The following NRAP variants were observed in gnomAD, a reference collection of about 807,000 sequenced individuals.
NRAP encodes nebulin related anchoring protein.
Under a neutral mutation model 225.9 loss-of-function variants are expected in NRAP, and 189 were observed. That is an observed-to-expected ratio of 0.84 (90% CI 0.74 to 0.94). The LOEUF (loss-of-function observed/expected upper bound fraction) is 0.94, where lower values mean the gene tolerates loss of function less well. NRAP is among the 40% of genes least tolerant of loss of function. NRAP has a pLI of 0.00. For missense variants in NRAP, 2,176 were observed against 2,168.7 expected, an observed-to-expected ratio of 1.00 and a Z score of -0.07; for synonymous variants, 769 against 790.7, an observed-to-expected ratio of 0.97 and a Z score of 0.46.
At chr10:113,597,839 C>T (rs1243747729) in intron 36 of NRAP, 130 bp downstream of exon 36, 4 of 709,172 alleles carry the variant, frequency 5.6e-6, no homozygotes, top group Admixed American at 4.1e-5. Context: ...TTGCACATGG[C>T]CCTCCAAAAA....
intron 14 of NRAP, among the ~76,000 whole-genome samples, chr10:113,637,726 C>T (rs1264051796): frequency 1.3e-5 from 2 of 152,080 alleles, no homozygotes; most frequent in East Asian, 3.9e-4. Context: ...GAGTTTGAGA[C>T]CAGCCTGACC....
At chr10:113,660,145 C>T (rs1325666275) in intron 3 of NRAP, among the ~76,000 whole-genome samples, 1 of 151,712 alleles carries the variant, frequency 6.6e-6, no homozygotes, top group Non-Finnish European at 1.5e-5. Flanking sequence ...TATATACACT[C>T]ACTATATACA....
chr10:113,616,968 G>C (rs1289628053), intron 26 of NRAP, among the ~76,000 whole-genome samples: 4 of 152,150 alleles, frequency 2.6e-5, no homozygotes, highest in Non-Finnish European at 5.9e-5. Context: ...CATCATAAAG[G>C]AGTATGGGAA....
chr10:113,657,661 T>C, intron 3 of NRAP, 87 bp from the exon 4 acceptor site: 1 of 794,214 alleles, frequency 1.3e-6, no homozygotes, highest in South Asian at 1.5e-5. Flanking sequence ...AATTGGGGGA[T>C]TTTGCTAAGT....
At chr10:113,621,000 C>A (rs184746214) in intron 24 of NRAP, among the ~76,000 whole-genome samples, 13 of 152,106 alleles carry the variant, frequency 8.5e-5, no homozygotes, top group Admixed American at 6.6e-5. Flanking sequence ...CGAGTCTACT[C>A]GGAAAGAAGC....
intron 11 of NRAP, among the ~76,000 whole-genome samples, chr10:113,645,174 T>C (rs1849427490): frequency 6.6e-6 from 1 of 152,184 alleles, no homozygotes; most frequent in Admixed American, 6.5e-5. Context: ...TGAAACATCT[T>C]TCAGATGTTT....
chr10:113,614,019 G>A (rs1467969825), intron 29 of NRAP, among the ~76,000 whole-genome samples, 164 bp downstream of exon 29: 2 of 152,164 alleles, frequency 1.3e-5, no homozygotes, highest in Non-Finnish European at 2.9e-5. Flanking sequence ...TTACAGAGGA[G>A]GAAGGTGTAG....
chr10:113,619,906 C>T (rs1387299842), intron 25 of NRAP, among the ~76,000 whole-genome samples: 3 of 152,168 alleles, frequency 2.0e-5, no homozygotes, highest in African/African-American at 7.2e-5. Context: ...TGTCTCGATC[C>T]ATTTTTGGTT....
chr10:113,633,626 C>T (rs1053412032), intron 15 of NRAP, among the ~76,000 whole-genome samples: 7 of 152,110 alleles, frequency 4.6e-5, no homozygotes, highest in Non-Finnish European at 1.0e-4. Flanking sequence ...ACGGCATCAT[C>T]CGAGAAGCAG....
rs147201284 is a variant in NRAP, at chr10:113,663,999, G to A, written c.-117C>T. ...ACCATAAAATTCCTGTGGGCACCTCGATCTTTCAGAATCCAACTTCCACTT... is the reference window on the plus strand; with the variant it reads ...ACCATAAAATTCCTGTGGGCACCTCAATCTTTCAGAATCCAACTTCCACTT... On this transcript the variant is annotated 5_prime_UTR_variant, in exon 1 of 42. Transcript: ENST00000359988. The A allele has an allele frequency of 1.4e-3, 1,044 of 731,418 alleles. 9 individuals carry two copies. In the African/African-American group the frequency reaches 0.016, roughly 11 times the overall value. The allele number at this position is 731,418 out of a possible 1,614,324, so 45.3% of individuals were successfully genotyped here.
chr10:113,613,242 C>A (rs1344378428), intron 29 of NRAP, among the ~76,000 whole-genome samples: 1 of 151,380 alleles, frequency 6.6e-6, no homozygotes, highest in African/African-American at 2.4e-5. Flanking sequence ...GTCAGCAACT[C>A]AAGATGGAAA....
chr10:113,629,281 G>T (rs1848448397), intron 19 of NRAP, among the ~76,000 whole-genome samples: 1 of 146,254 alleles, frequency 6.8e-6, no homozygotes, highest in South Asian at 2.1e-4. Flanking sequence ...TTGACCAAGG[G>T]CCTTTTTTTT....
intron 10 of NRAP, 44 bp from the exon 11 acceptor site, chr10:113,645,985 T>C (rs766660110): frequency 8.8e-6 from 9 of 1,020,696 alleles, no homozygotes; most frequent in Admixed American, 6.8e-5. Flanking sequence ...GATGTTTCCA[T>C]GCTCTGGGAG....
Position 113,629,778 on chromosome 10 carries a change from T to C in NRAP, c.1850A>G (p.Tyr617Cys), listed in dbSNP as rs771134723. 1.2e-6 allele frequency: 2 copies of C among 1,611,316 alleles called. No individual in the cohort carries two copies. Among genetic ancestry groups the C allele is most frequent in the South Asian group, 1.1e-5 (1 of 91,036 alleles). Residue 617 changes from tyrosine (Y) to cysteine (C), a missense_variant, in exon 19 of 42, where the codon TAT (tyrosine) becomes TGT (cysteine). By Grantham distance (194) the Tyr-to-Cys change is radical (BLOSUM62 -2). Around this residue, in one of 3 missense-constraint regions of NRAP, gnomAD observed 1,708 missense variants for 1,695.5 expected, o/e 1.01. Coordinates refer to ENST00000359988, the MANE Select transcript of NRAP (RefSeq NM_198060.4). ...QIAKMSSEVEYKKGFEESKTR... is the reference protein window; with the variant it reads ...QIAKMSSEVECKKGFEESKTR... ...CTTACTCTCTTCAAAGCCTTTCTTA[T>C]ATTCAACCTTGAATATACCAAAACA...
intron 31 of NRAP, among the ~76,000 whole-genome samples, chr10:113,609,096 G>T (rs1344315388): frequency 2.6e-5 from 4 of 152,174 alleles, no homozygotes; most frequent in African/African-American, 9.7e-5. Flanking sequence ...GGAGGCGGAG[G>T]TTGCAGTGGG....
chr10:113,636,207 A>T (rs1397527322), intron 14 of NRAP, among the ~76,000 whole-genome samples: 4 of 152,010 alleles, frequency 2.6e-5, no homozygotes, highest in African/African-American at 4.8e-5. Flanking sequence ...TTTCTGTGTC[A>T]CCACTATCTA....
At position 113,641,397 on chromosome 10, in the gene NRAP, G is replaced by A; in HGVS notation, c.1291C>T (p.His431Tyr). The change falls in exon 13 of 42, where the codon CAT becomes TAT. Residue 431 changes from histidine to tyrosine, a missense_variant. Coordinates refer to ENST00000359988, the MANE Select transcript of NRAP (RefSeq NM_198060.4). ...GCCAGGCTGCCAACTTTCATAGCAT[G>A]CAGAGTGCGTCTGTCCATACCAACT... ...EGVGMDRRTL[H>Y]AMKVGSLASN... 1.9e-6 allele frequency: 3 copies of A among 1,613,398 alleles called. No individual in the cohort carries two copies. The highest frequency in any genetic ancestry group is 2.5e-6 in the Non-Finnish European group (3 of 1,179,526).
chr10:113,649,284 G>T (rs1202155482), intron 9 of NRAP, among the ~76,000 whole-genome samples: 1 of 152,184 alleles, frequency 6.6e-6, no homozygotes, highest in Admixed American at 6.5e-5. Context: ...CATATATGTT[G>T]TAGAGAGTCT....
chr10:113,601,353 T>C (rs2133872966), intron 35 of NRAP, among the ~76,000 whole-genome samples: 1 of 152,366 alleles, frequency 6.6e-6, no homozygotes, highest in Non-Finnish European at 1.5e-5. Flanking sequence ...TAATGCCTAT[T>C]TAGCACTTGT....
Sources: gnomAD v4.1 joint callset for allele counts (sites outside exome capture counted in the v4.1 genomes callset) on GRCh38, gnomAD v4.1.1 for gene constraint, gnomAD v4.1.1 regional missense constraint, MANE v1.5 for transcripts, NCBI Gene and HGNC (gene_info 2026-07-23, HGNC 2026-07-21) for gene names.